The following GOLGA6L9 variants were observed in gnomAD, a reference collection of about 807,000 sequenced individuals.
GOLGA6L9 encodes golgin subfamily A member 6-like protein 9.
In GOLGA6L9, 19 loss-of-function variants were observed where a neutral mutation model predicts 51.3. The observed-to-expected ratio is 0.37, with a 90% CI of 0.26 to 0.54. The LOEUF is 0.54. Among genes scored for constraint, GOLGA6L9 ranks in the 20% least tolerant of loss-of-function variants. The pLI, the probability that GOLGA6L9 is intolerant of heterozygous loss-of-function variation, is 0.83. For synonymous variants in GOLGA6L9, 97 were observed against 184.2 expected (o/e 0.53, Z 3.83); for missense variants, 247 against 464.1 (o/e 0.53, Z 4.30).
upstream of GOLGA6L9, among the ~76,000 whole-genome samples, chr15:82,425,839 G>A: frequency 6.8e-6 from 1 of 146,698 alleles, no homozygotes; most frequent in Non-Finnish European, 1.5e-5. Flanking sequence ...GCTACTTTTT[G>A]TGTTGAGAGA....
Position 82,432,561 on chromosome 15 carries a change from A to G in GOLGA6L9, c.205-11A>G. The G allele has an allele frequency of 1.2e-6, 2 of 1,602,348 alleles. No homozygotes were observed. The highest frequency in any genetic ancestry group is 2.2e-5 in the South Asian group (2 of 90,720). On this transcript the variant is annotated splice_polypyrimidine_tract_variant and intron_variant, in intron 2 of 8. Transcript: ENST00000618348. ...ACAGAACATCTCCATGTGCACTCTC[A>G]TCTCTTGGAGTCAGCAACAGGTATC...
At chr15:82,427,399 C>T (rs1272030080), upstream of GOLGA6L9, among the ~76,000 whole-genome samples, 5 of 151,992 alleles carry the variant, frequency 3.3e-5, no homozygotes, top group African/African-American at 2.4e-5. Context: ...TCTTTATTCC[C>T]TCCCTCCCTC....
At chr15:82,427,277 T>A (rs1212108035), upstream of GOLGA6L9, among the ~76,000 whole-genome samples, 1 of 147,922 alleles carries the variant, frequency 6.8e-6, no homozygotes, top group Non-Finnish European at 1.5e-5. Context: ...TTTCCATTCT[T>A]ACTTTCTTTT....
chr15:82,427,397 C>A (rs2031232052), upstream of GOLGA6L9, among the ~76,000 whole-genome samples: 1 of 151,312 alleles, frequency 6.6e-6, no homozygotes, highest in Non-Finnish European at 1.5e-5. Flanking sequence ...TCTCTTTATT[C>A]CCTCCCTCCC....
Position 82,429,816 on chromosome 15 carries a change from C to A in GOLGA6L9, c.-264C>A, listed in dbSNP as rs1426965293. On this transcript the variant is annotated 5_prime_UTR_variant, in exon 1 of 9. Transcript: ENST00000618348. ...CCCTCCCCTCTCCCAGAGTGGGCGG[C>A]CTCTCCCCTCTCTCTGAGTGGGCGG... Among the ~76,000 whole-genome samples, 1 of 152,152 alleles carries A rather than the reference C, an allele frequency of 6.6e-6. No individual in the cohort carries two copies. The highest frequency in any genetic ancestry group is 2.4e-5 in the African/African-American group (1 of 41,408).
rs2031683184 is a variant in GOLGA6L9, at chr15:82,436,502, A to G, written c.*91A>G. ...TTTACTTCATTTGAATGTTAGAGCC[A>G]CTTATGTTTGTGTTTCTAATTTATA... On this transcript the variant is annotated 3_prime_UTR_variant, in exon 9 of 9. Coordinates refer to ENST00000618348, the MANE Select transcript of GOLGA6L9 (RefSeq NM_198181.4). The G allele has an allele frequency of 1.3e-6, 2 of 1,514,666 alleles. No homozygotes were observed. Among genetic ancestry groups the G allele is most frequent in the African/African-American group, 2.8e-5 (2 of 71,506 alleles). The allele number at this position is 1,514,666 out of a possible 1,614,324, so 93.8% of individuals were successfully genotyped here. A position where few individuals can be genotyped will look rare whatever the true frequency, so the allele number is the denominator to read the frequency against.
At chr15:82,417,173 A>G in the GOLGA6L9 span, among the ~76,000 whole-genome samples, 1 of 152,268 alleles carries the variant, frequency 6.6e-6, no homozygotes, top group Non-Finnish European at 1.5e-5. Flanking sequence ...GGCCAAGCTT[A>G]GGATAGTGTT....
At position 82,438,482 on chromosome 15, in the gene GOLGA6L9, C is replaced by G. The variant is rs918373173; in HGVS notation, c.*2071C>G. ...AGTCTTTCTTCAAAGTGCATGCAGT[C>G]TTTTGCAGTACCTCATTCAGCCAAG... On this transcript the variant is annotated 3_prime_UTR_variant, in exon 9 of 9. Coordinates refer to ENST00000618348, the MANE Select transcript of GOLGA6L9 (RefSeq NM_198181.4). 8 of 151,304 alleles carry G rather than the reference C, an allele frequency of 5.3e-5. No individual in the cohort carries two copies. The highest frequency in any genetic ancestry group is 1.9e-4 in the African/African-American group (8 of 41,216). 9.4% of individuals were successfully genotyped at this position (151,304 alleles called of 1,614,324 possible).
chr15:82,429,098 G>A (rs2031301133), upstream of GOLGA6L9, among the ~76,000 whole-genome samples: 1 of 151,598 alleles, frequency 6.6e-6, no homozygotes. Flanking sequence ...CTTTTGAGAT[G>A]GAGTCTTGCT....
the GOLGA6L9 span, among the ~76,000 whole-genome samples, chr15:82,420,329 G>A: frequency 4.6e-5 from 7 of 151,816 alleles, no homozygotes; most frequent in African/African-American, 1.7e-4. Flanking sequence ...CATGTCTACA[G>A]TTGTAAATTT....
chr15:82,419,672 C>A, the GOLGA6L9 span, among the ~76,000 whole-genome samples: 4 of 151,322 alleles, frequency 2.6e-5, no homozygotes, highest in East Asian at 1.9e-4. Context: ...CAAAACAAAA[C>A]AAAAAAAACA....
chr15:82,418,468 T>A, the GOLGA6L9 span, among the ~76,000 whole-genome samples: 1 of 152,250 alleles, frequency 6.6e-6, no homozygotes, highest in Non-Finnish European at 1.5e-5. Context: ...CAGTTTTTGT[T>A]CTAAAACTAT....
chr15:82,433,183 T>C (rs1279124125), intron 4 of GOLGA6L9, among the ~76,000 whole-genome samples: 3 of 150,860 alleles, frequency 2.0e-5, no homozygotes, highest in African/African-American at 4.9e-5. Flanking sequence ...TGACTGGTTG[T>C]CAGAGGTCCA....
upstream of GOLGA6L9, among the ~76,000 whole-genome samples, chr15:82,429,542 A>G (rs2031325866): frequency 6.6e-6 from 1 of 152,190 alleles, no homozygotes; most frequent in African/African-American, 2.4e-5. Context: ...ATTAATCATC[A>G]AGAATGCTAT....
rs2031808229 is a variant in GOLGA6L9 at position 82,438,588 on chromosome 15, G to T, written c.*2177G>T. 7.1e-6 allele frequency: 1 copy of T among 141,750 alleles called. No homozygotes were observed. Among genetic ancestry groups the T allele is most frequent in the South Asian group, 2.2e-4 (1 of 4,454 alleles). 8.8% of individuals were successfully genotyped at this position (141,750 alleles called of 1,614,324 possible). A position where few individuals can be genotyped will look rare whatever the true frequency, so the allele number is the denominator to read the frequency against. On this transcript the variant is annotated 3_prime_UTR_variant, in exon 9 of 9. Transcript: ENST00000618348. ...ACATTAGAAGGTTAGAGTTCAGCAG[G>T]AACATAGAATTTTAAAATGTGACTT...
At chr15:82,418,563 T>G in the GOLGA6L9 span, 2 of 152,326 alleles carry the variant, frequency 1.3e-5, no homozygotes, top group Admixed American at 6.5e-5. Context: ...ATTATTTTGT[T>G]TGAGAAAGAA....
the GOLGA6L9 span, among the ~76,000 whole-genome samples, chr15:82,424,368 G>A: frequency 2.2e-4 from 33 of 152,054 alleles, no homozygotes; most frequent in African/African-American, 2.7e-4. Context: ...CACCATGCCC[G>A]GCTTATTTAA....
At chr15:82,424,539 T>C in the GOLGA6L9 span, among the ~76,000 whole-genome samples, 1 of 152,148 alleles carries the variant, frequency 6.6e-6, no homozygotes, top group African/African-American at 2.4e-5. Flanking sequence ...ACTATCAAAA[T>C]CAAAAATTAA....
rs1185279608 is a variant in GOLGA6L9 at position 82,438,466 on chromosome 15, T to G, written c.*2055T>G. ...GACAATAACTATGACAAGTCTTTCTTCAAAGTGCATGCAGTCTTTTGCAGT... is the reference window on the plus strand; with the variant it reads ...GACAATAACTATGACAAGTCTTTCTGCAAAGTGCATGCAGTCTTTTGCAGT... On this transcript the variant is annotated 3_prime_UTR_variant, in exon 9 of 9. Coordinates refer to ENST00000618348, the MANE Select transcript of GOLGA6L9 (RefSeq NM_198181.4). 6.6e-6 allele frequency: 1 copy of G among 151,578 alleles called. No homozygotes were observed. Among genetic ancestry groups the G allele is most frequent in the Non-Finnish European group, 1.5e-5 (1 of 67,818 alleles). The allele number at this position is 151,578 out of a possible 1,614,324, so 9.4% of individuals were successfully genotyped here.
Sources: allele counts gnomAD v4.1 joint callset (sites outside exome capture counted in the v4.1 genomes callset), GRCh38; gene constraint gnomAD v4.1.1; transcripts MANE v1.5; gene names NCBI Gene and HGNC (gene_info 2026-07-23, HGNC 2026-07-21).